The following PLN variants were observed in gnomAD, a reference collection of about 807,000 sequenced individuals.
PLN encodes cardiac phospholamban.
In PLN, 1 loss-of-function variant was observed where a neutral mutation model predicts 3.9. That is an observed-to-expected ratio of 0.26 (90% CI 0.09 to 1.23). PLN has a LOEUF of 1.23. Among genes scored for constraint, PLN ranks in the 50% most tolerant of loss-of-function variants. The probability of loss-of-function intolerance (pLI) is 0.48; values close to 1 mark genes in which losing one functional copy is unlikely to be tolerated. For missense variants in PLN, 59 were observed against 62.7 expected, an observed-to-expected ratio of 0.94 and a Z score of 0.20; for synonymous variants, 21 against 20.5, an observed-to-expected ratio of 1.02 and a Z score of -0.07.
At chr6:118,555,897 T>C (rs1011705285) in intron 1 of PLN, among the ~76,000 whole-genome samples, 7 of 151,644 alleles carry the variant, frequency 4.6e-5, no homozygotes, top group African/African-American at 1.7e-4. Flanking sequence ...TGAGAACCTG[T>C]GGTATTTGGT....
At chr6:118,555,143 A>T (rs1778776284) in intron 1 of PLN, among the ~76,000 whole-genome samples, 1 of 152,194 alleles carries the variant, frequency 6.6e-6, no homozygotes, top group Non-Finnish European at 1.5e-5. Context: ...ATAAAAGGTG[A>T]CTACTCGGCC....
At position 118,560,873 on chromosome 6, in the gene PLN, C is replaced by T. The variant is rs1162299487; in HGVS notation, c.*1793C>T. The T allele has an allele frequency of 2.6e-5, 4 of 152,358 alleles. No individual in the cohort carries two copies. The East Asian group carries it at 7.7e-4, about 29-fold the overall frequency. The allele number at this position is 152,358 out of a possible 1,614,324, so 9.4% of individuals were successfully genotyped here. Reference sequence around the variant, plus strand: ...TTAAAATTAAGTCTAAAATAGTTTACACCTATACTGCATAATCCAACAATT... The same window carrying T: ...TTAAAATTAAGTCTAAAATAGTTTATACCTATACTGCATAATCCAACAATT... On this transcript the variant is annotated 3_prime_UTR_variant, in exon 2 of 2. Transcript: ENST00000357525.
chr6:118,553,002 T>C (rs1349223406), intron 1 of PLN, among the ~76,000 whole-genome samples: 2 of 152,064 alleles, frequency 1.3e-5, no homozygotes, highest in Admixed American at 1.3e-4. Context: ...CCAATTTATA[T>C]ATATTGTCAT....
At chr6:118,550,760 A>G (rs1009533257) in intron 1 of PLN, among the ~76,000 whole-genome samples, 7 of 151,914 alleles carry the variant, frequency 4.6e-5, no homozygotes, top group African/African-American at 1.7e-4. Context: ...AATACTGTAA[A>G]TGATATTCTA....
chr6:118,548,801 G>A (rs969604179), intron 1 of PLN, among the ~76,000 whole-genome samples: 4 of 152,034 alleles, frequency 2.6e-5, no homozygotes. Flanking sequence ...AAACAGTGCA[G>A]AACTGAGCTA....
intron 1 of PLN, 125 bp from the exon 2 acceptor site, chr6:118,558,698 CTA>C: frequency 1.9e-6 from 1 of 517,450 alleles, no homozygotes; most frequent in East Asian, 3.4e-5. Flanking sequence ...GGGAGAGAGA[CTA>C]TAGAAACATG....
At chr6:118,558,038 C>T (rs1778980959) in intron 1 of PLN, among the ~76,000 whole-genome samples, 1 of 151,670 alleles carries the variant, frequency 6.6e-6, no homozygotes, top group Non-Finnish European at 1.5e-5. Flanking sequence ...GATCTGGGCT[C>T]AATGCAACCC....
Position 118,561,518 on chromosome 6 carries a change from C to T in PLN, c.*2438C>T, listed in dbSNP as rs938131231. 4.0e-5 allele frequency among the ~76,000 whole-genome samples: 6 copies of T among 151,804 alleles called. No homozygotes were observed. The East Asian group carries it at 9.6e-4, about 24-fold the overall frequency. On this transcript the variant is annotated 3_prime_UTR_variant, in exon 2 of 2. Coordinates refer to ENST00000357525, the MANE Select transcript of PLN (RefSeq NM_002667.5). ...GTGTAAAGAATAAGATATAAGAAAA[C>T]AATTTATTTTTAAAATTTAATATAC... is the stretch of plus-strand genomic sequence containing the variant.
At chr6:118,552,218 A>G (rs1484255499) in intron 1 of PLN, among the ~76,000 whole-genome samples, 1 of 152,092 alleles carries the variant, frequency 6.6e-6, no homozygotes, top group African/African-American at 2.4e-5. Flanking sequence ...TAAAAGGAGA[A>G]AAGCAAAATT....
Position 118,558,878 on chromosome 6 carries a change from C to T in PLN, c.-44C>T, listed in dbSNP as rs771080303. 20 of 1,531,804 alleles carry T rather than the reference C, an allele frequency of 1.3e-5. No homozygotes were observed. The highest frequency in any genetic ancestry group is 1.6e-5 in the Non-Finnish European group (18 of 1,105,590). 94.9% of individuals were successfully genotyped at this position (1,531,804 alleles called of 1,614,324 possible). On this transcript the variant is annotated 5_prime_UTR_variant, in exon 2 of 2. Transcript: ENST00000357525. ...ATTTGGCTGCCAGCTTTTTATCTTTCTCTCGACCACTTAAAACTTCAGACT... is the reference window on the plus strand; with the variant it reads ...ATTTGGCTGCCAGCTTTTTATCTTTTTCTCGACCACTTAAAACTTCAGACT...
chr6:118,549,598 A>G (rs1344815748), intron 1 of PLN, among the ~76,000 whole-genome samples: 1 of 151,844 alleles, frequency 6.6e-6, no homozygotes, highest in Non-Finnish European at 1.5e-5. Flanking sequence ...AAGACATAAA[A>G]AAACATAATT....
intron 1 of PLN, among the ~76,000 whole-genome samples, chr6:118,549,626 T>A (rs1485824559): frequency 6.6e-6 from 1 of 151,842 alleles, no homozygotes; most frequent in African/African-American, 2.4e-5. Flanking sequence ...ACCACTGAGG[T>A]ATCCTAATTG....
At position 118,558,970 on chromosome 6, in the gene PLN, A is replaced by G; in HGVS notation, c.49A>G (p.Thr17Ala). The G allele has an allele frequency of 6.2e-7, 1 of 1,613,286 alleles. No homozygotes were observed. Among genetic ancestry groups the G allele is most frequent in the Non-Finnish European group, 8.5e-7 (1 of 1,179,240 alleles). ...LTRSAIRRASTIEMPQQARQK... is the reference protein window; with the variant it reads ...LTRSAIRRASAIEMPQQARQK... ...TCGCTCAGCTATAAGAAGAGCCTCA[A>G]CCATTGAAATGCCTCAACAAGCACG... Residue 17 changes from threonine (T) to alanine (A), a missense_variant, in exon 2 of 2, where the codon ACC (threonine) becomes GCC (alanine). By Grantham distance (58) the Thr-to-Ala change is moderately conservative (BLOSUM62 0). Coordinates refer to ENST00000357525, the MANE Select transcript of PLN (RefSeq NM_002667.5).
Position 118,559,222 on chromosome 6 carries a change from A to C in PLN, c.*142A>C. On this transcript the variant is annotated 3_prime_UTR_variant, in exon 2 of 2. Coordinates refer to ENST00000357525, the MANE Select transcript of PLN (RefSeq NM_002667.5). ...TTGTGAAAAGGTCAAGATTAAGACT[A>C]AAACTTATTGTTACCATATGTATTC... 1 of 763,696 alleles carries C rather than the reference A, an allele frequency of 1.3e-6. No homozygotes were observed. Among genetic ancestry groups the C allele is most frequent in the Non-Finnish European group, 2.4e-6 (1 of 414,492 alleles). 47.3% of individuals were successfully genotyped at this position (763,696 alleles called of 1,614,324 possible). A position where few individuals can be genotyped will look rare whatever the true frequency, so the allele number is the denominator to read the frequency against.
At position 118,561,447 on chromosome 6, in the gene PLN, T is replaced by C. The variant is rs1779217969; in HGVS notation, c.*2367T>C. 6.6e-6 allele frequency among the ~76,000 whole-genome samples: 1 copy of C among 152,090 alleles called. No individual in the cohort carries two copies. Among genetic ancestry groups the C allele is most frequent in the South Asian group, 2.1e-4 (1 of 4,824 alleles). ...GGATTACAGAATACTATAACTCAAA[T>C]TATAAAGTAGAATAAACTCTTTAAA... is the stretch of plus-strand genomic sequence containing the variant. On this transcript the variant is annotated 3_prime_UTR_variant, in exon 2 of 2. Transcript: ENST00000357525.
intron 1 of PLN, among the ~76,000 whole-genome samples, chr6:118,558,266 AATCT>A (rs1392227658): frequency 6.6e-6 from 1 of 152,028 alleles, no homozygotes; most frequent in African/African-American, 2.4e-5. Context: ...GGTTTTTATT[AATCT>A]TTCTTAAATG....
At chr6:118,558,743 G>A in intron 1 of PLN, 82 bp from the exon 2 acceptor site, 1 of 638,642 alleles carries the variant, frequency 1.6e-6, no homozygotes, top group Non-Finnish European at 2.8e-6. Flanking sequence ...TGAGGAAGAT[G>A]AATTAGTGTA....
chr6:118,550,876 A>G (rs1366030746), intron 1 of PLN, among the ~76,000 whole-genome samples: 1 of 151,940 alleles, frequency 6.6e-6, no homozygotes, highest in Non-Finnish European at 1.5e-5. Flanking sequence ...TTAATAGTCT[A>G]AATTATATTC....
At chr6:118,550,156 C>A (rs1375782150) in intron 1 of PLN, among the ~76,000 whole-genome samples, 2 of 151,754 alleles carry the variant, frequency 1.3e-5, no homozygotes, top group Non-Finnish European at 3.0e-5. Flanking sequence ...TACTAAAAGG[C>A]GTGACAGCAC....
Sources: allele counts gnomAD v4.1 joint callset (sites outside exome capture counted in the v4.1 genomes callset), GRCh38; gene constraint gnomAD v4.1.1; transcripts MANE v1.5; gene names NCBI Gene and HGNC (gene_info 2026-07-23, HGNC 2026-07-21).